The following PLEKHM3 variants were observed in gnomAD, a reference collection of about 807,000 sequenced individuals.
The protein encoded by PLEKHM3 is pleckstrin homology domain-containing family M member 3.
A neutral mutation model predicts 81.8 loss-of-function variants in PLEKHM3; 45 were observed. That is an observed-to-expected ratio of 0.55 (90% CI 0.43 to 0.71). The LOEUF (loss-of-function observed/expected upper bound fraction) is 0.71. Ranked by LOEUF, PLEKHM3 falls within the 30% of genes least tolerant of loss-of-function variation. PLEKHM3 has a pLI of 0.00. For synonymous variants in PLEKHM3, 352 were observed against 356.4 expected (o/e 0.99, Z 0.14); for missense variants, 788 against 924.3 (o/e 0.85, Z 1.91).
At chr2:207,887,968 CTCAT>C (rs1246746010) in intron 6 of PLEKHM3, among the ~76,000 whole-genome samples, 2 of 152,086 alleles carry the variant, frequency 1.3e-5, no homozygotes, top group African/African-American at 4.8e-5. Context: ...TGATGGTGGT[CTCAT>C]TCAGAAAGAT....
chr2:207,906,087 T>C (rs1336108462), intron 6 of PLEKHM3, among the ~76,000 whole-genome samples: 1 of 152,252 alleles, frequency 6.6e-6, no homozygotes, highest in Non-Finnish European at 1.5e-5. Context: ...AACTCACGTT[T>C]GAAAGGCTCC....
At chr2:207,922,924 G>A (rs1689235960) in intron 5 of PLEKHM3, among the ~76,000 whole-genome samples, 1 of 152,218 alleles carries the variant, frequency 6.6e-6, no homozygotes, top group South Asian at 2.1e-4. Flanking sequence ...GGTGGGAAGA[G>A]GCAGCACTTG....
Position 207,974,561 on chromosome 2 carries a change from C to T in PLEKHM3, c.1546+2090G>A, listed in dbSNP as rs1691237682. The stretch of plus-strand genomic sequence containing the variant: ...GTTCTTCCTTACTCCAATAACACAA[C>T]AGATTTGCTGACCACGTCTGTAATC... On this transcript the variant is annotated intron_variant, in intron 3 of 7. Coordinates refer to ENST00000427836, the MANE Select transcript of PLEKHM3 (RefSeq NM_001080475.3). 5.3e-5 allele frequency among the ~76,000 whole-genome samples: 8 copies of T among 152,202 alleles called. 1 individual carries two copies. In the South Asian group the frequency reaches 1.4e-3, roughly 28 times the overall value.
intron 6 of PLEKHM3, 26 bp downstream of exon 6, chr2:207,908,488 A>C (rs1352445058): frequency 1.3e-6 from 2 of 1,597,142 alleles, no homozygotes; most frequent in South Asian, 2.2e-5. Context: ...AGCAACAAAA[A>C]TGAAACAGCC....
At position 207,919,150 on chromosome 2, in the gene PLEKHM3, G is replaced by GA. The variant is rs144924189; in HGVS notation, c.1887-10574dup. On this transcript the variant is annotated intron_variant, in intron 5 of 7. Transcript: ENST00000427836. ...CTGAGAAACAAAACGATAAAAAAAA[G>GA]AAAAAAAGAGAAAAAAGGAAGCAAT... Among the ~76,000 whole-genome samples the GA allele has an allele frequency of 9.5e-3, 1,446 of 151,682 alleles. 23 individuals are homozygous for GA. The highest frequency in any genetic ancestry group is 0.032 in the African/African-American group (1,319 of 41,364).
intron 2 of PLEKHM3, among the ~76,000 whole-genome samples, chr2:207,997,154 A>AC (rs144812525): frequency 0.016 from 2,376 of 152,272 alleles, 34 homozygotes; most frequent in Non-Finnish European, 0.025. Flanking sequence ...ACTTTGTTTG[A>AC]CCAGAAGGCC....
intron 7 of PLEKHM3, among the ~76,000 whole-genome samples, chr2:207,839,323 CTAATGT>C (rs1444913263): frequency 1.3e-5 from 2 of 151,912 alleles, no homozygotes. Context: ...GTACATTAAC[CTAATGT>C]ACATTAGAAA....
At chr2:207,889,677 C>T (rs1687994678) in intron 6 of PLEKHM3, among the ~76,000 whole-genome samples, 1 of 152,090 alleles carries the variant, frequency 6.6e-6, no homozygotes, top group South Asian at 2.1e-4. Flanking sequence ...CAAGAAGCCA[C>T]AGCAAAAATA....
chr2:207,938,086 T>G (rs1323979798), intron 4 of PLEKHM3, among the ~76,000 whole-genome samples: 2 of 152,206 alleles, frequency 1.3e-5, no homozygotes, highest in Non-Finnish European at 2.9e-5. Context: ...CTAAATGGAA[T>G]GTGAATATTC....
intron 5 of PLEKHM3, among the ~76,000 whole-genome samples, chr2:207,925,889 CT>C (rs1198707887): frequency 1.3e-5 from 2 of 152,078 alleles, no homozygotes; most frequent in Admixed American, 6.6e-5. Context: ...CTCTTCATGT[CT>C]GTCTTTTGAG....
At chr2:207,978,774 C>T (rs1044966047) in intron 2 of PLEKHM3, among the ~76,000 whole-genome samples, 5 of 151,028 alleles carry the variant, frequency 3.3e-5, no homozygotes, top group Non-Finnish European at 3.0e-5. Context: ...TCCCCAACCT[C>T]GCCTACACAC....
At chr2:207,981,827 CAAT>C (rs1225084490) in intron 2 of PLEKHM3, among the ~76,000 whole-genome samples, 3 of 152,162 alleles carry the variant, frequency 2.0e-5, no homozygotes, top group African/African-American at 4.8e-5. Context: ...TAAAATCTCA[CAAT>C]GACTAATTTG....
At chr2:207,853,874 G>C (rs529108347) in intron 7 of PLEKHM3, among the ~76,000 whole-genome samples, 1 of 152,030 alleles carries the variant, frequency 6.6e-6, no homozygotes, top group Non-Finnish European at 1.5e-5. Context: ...GAGTTTGAGC[G>C]ATTCTCATGG....
rs531820145 is a variant in PLEKHM3 at position 207,821,973 on chromosome 2, C to T, written c.*6346G>A. ...TCTAGGGTAGGCTAGTAGCTATTCA[C>T]AGTAAGATTCTACTTCTTTTTTTGT... On this transcript the variant is annotated 3_prime_UTR_variant, in exon 8 of 8. Coordinates refer to ENST00000427836, the MANE Select transcript of PLEKHM3 (RefSeq NM_001080475.3). 1 of 152,240 alleles carries T rather than the reference C, an allele frequency of 6.6e-6. No individual in the cohort carries two copies. Among genetic ancestry groups the T allele is most frequent in the Admixed American group, 6.5e-5 (1 of 15,294 alleles). The allele number at this position is 152,240 out of a possible 1,614,324, so 9.4% of individuals were successfully genotyped here.
At chr2:208,020,197 TGTACTGAATTATAAACTGGTTACACTA>T (rs1693079551) in intron 1 of PLEKHM3, among the ~76,000 whole-genome samples, 1 of 152,370 alleles carries the variant, frequency 6.6e-6, no homozygotes, top group East Asian at 1.9e-4. Flanking sequence ...AGCTTTAGTT[TGTACTGAATTATAAACTGGTTACACTA>T]GTCAGGAGAA....
intron 2 of PLEKHM3, among the ~76,000 whole-genome samples, chr2:207,984,937 C>T (rs1414867460): frequency 2.6e-5 from 4 of 151,184 alleles, no homozygotes; most frequent in Non-Finnish European, 5.9e-5. Flanking sequence ...CCTCAAGGTT[C>T]AGTGAGGTTT....
intron 1 of PLEKHM3, among the ~76,000 whole-genome samples, chr2:208,007,880 C>CCCG: frequency 6.6e-6 from 1 of 152,148 alleles, no homozygotes; most frequent in East Asian, 1.9e-4. Flanking sequence ...ATGGTGAAAC[C>CCCG]TCATCTACTA....
intron 7 of PLEKHM3, among the ~76,000 whole-genome samples, chr2:207,849,362 T>G (rs1447859578): frequency 6.6e-6 from 1 of 151,890 alleles, no homozygotes; most frequent in Non-Finnish European, 1.5e-5. Flanking sequence ...CTAGATGTAG[T>G]AGCAGAGTAT....
chr2:207,968,533 T>C (rs6730216), intron 3 of PLEKHM3, among the ~76,000 whole-genome samples: 104,530 of 152,014 alleles, frequency 0.69, 36,392 homozygotes, highest in Admixed American at 0.74. Flanking sequence ...CTTCAGCTCA[T>C]TCCCTTCAAG....
Sources: allele counts gnomAD v4.1 joint callset (sites outside exome capture counted in the v4.1 genomes callset), GRCh38; gene constraint gnomAD v4.1.1; transcripts MANE v1.5; gene names NCBI Gene and HGNC (gene_info 2026-07-23, HGNC 2026-07-21).